The following DCAF1 variants were observed in gnomAD, a reference collection of about 807,000 sequenced individuals.
The protein encoded by DCAF1 is DDB1- and CUL4-associated factor 1.
In DCAF1, 15 loss-of-function variants were observed where a neutral mutation model predicts 128.0. The ratio of observed to expected loss-of-function variants is 0.12; its 90% CI spans 0.08 to 0.18. DCAF1 has a LOEUF of 0.18. Ranked by LOEUF, DCAF1 falls within the 10% of genes least tolerant of loss-of-function variation. The pLI is 1.00. For synonymous variants in DCAF1, 610 were observed against 603.0 expected (o/e 1.01, Z -0.17); for missense variants, 988 against 1,649.5 (o/e 0.60, Z 6.95).
At chr3:51,474,238 G>A (rs568956801) in intron 3 of DCAF1, among the ~76,000 whole-genome samples, 15 of 152,066 alleles carry the variant, frequency 9.9e-5, no homozygotes, top group African/African-American at 3.1e-4. Flanking sequence ...GACCAACATG[G>A]AGAAACCCCG....
At chr3:51,460,550 G>A (rs1301712686) in intron 6 of DCAF1, among the ~76,000 whole-genome samples, 2 of 146,102 alleles carry the variant, frequency 1.4e-5, no homozygotes, top group Non-Finnish European at 3.0e-5. Context: ...CACAGAATTG[G>A]AAAAAACTAC....
Position 51,424,273 on chromosome 3 carries a change from G to A in DCAF1, c.1848-1842C>T, listed in dbSNP as rs984539596. Among the ~76,000 whole-genome samples, 13 of 152,004 alleles carry A rather than the reference G, an allele frequency of 8.6e-5. No homozygotes were observed. In the East Asian group the frequency reaches 9.7e-4, roughly 11 times the overall value. On this transcript the variant is annotated intron_variant, in intron 13 of 24. Transcript: ENST00000684031. The stretch of plus-strand genomic sequence containing the variant: ...AAATTAGCTGGGCATGGTAGTGGGC[G>A]CCTGTAGTCCCAGTTACTCAGGAGG...
intron 18 of DCAF1, among the ~76,000 whole-genome samples, chr3:51,416,062 C>G (rs1403442539): frequency 6.6e-6 from 1 of 152,108 alleles, no homozygotes. Flanking sequence ...ACCCTCTGAC[C>G]TGGAAGGCTG....
At chr3:51,481,115 T>C (rs1164016056) in intron 3 of DCAF1, among the ~76,000 whole-genome samples, 2 of 152,142 alleles carry the variant, frequency 1.3e-5, no homozygotes, top group African/African-American at 2.4e-5. Context: ...GAAAACAACT[T>C]TTTATGCATT....
intron 10 of DCAF1, among the ~76,000 whole-genome samples, chr3:51,430,671 C>A (rs782730468): frequency 1.3e-5 from 2 of 152,122 alleles, no homozygotes; most frequent in Non-Finnish European, 2.9e-5. Flanking sequence ...TGTAAAGCAT[C>A]CCCAGGTTTC....
In DCAF1 at chr3:51,466,930, C is replaced by A. The variant is rs1217312120; in HGVS notation, c.188-54G>T. The A allele has an allele frequency of 2.6e-6, 4 of 1,568,252 alleles. No individual in the cohort carries two copies. The South Asian group carries it at 4.5e-5, about 17-fold the overall frequency. On this transcript the variant is annotated intron_variant, in intron 4 of 24. Coordinates refer to ENST00000684031, the MANE Select transcript of DCAF1 (RefSeq NM_001387579.1). The stretch of plus-strand genomic sequence containing the variant: ...AAAGGAATGAGTAAGTCATCCCAGT[C>A]AAGCAACTTAGACCTCTGGAAAGGC...
intron 10 of DCAF1, among the ~76,000 whole-genome samples, chr3:51,430,434 A>G (rs1326940856): frequency 6.6e-6 from 1 of 152,186 alleles, no homozygotes; most frequent in Admixed American, 6.5e-5. Flanking sequence ...TTTAAATACA[A>G]CCTATACTTA....
chr3:51,437,227 C>T, intron 9 of DCAF1: 1 of 364,368 alleles, frequency 2.7e-6, no homozygotes, highest in East Asian at 7.5e-5. Flanking sequence ...AGCACCACTG[C>T]ACTGCACTCC....
intron 6 of DCAF1, among the ~76,000 whole-genome samples, chr3:51,454,632 G>C (rs550598349): frequency 6.6e-6 from 1 of 152,148 alleles, no homozygotes; most frequent in African/African-American, 2.4e-5. Flanking sequence ...CAAAGTGCTG[G>C]GATTACAGGC....
intron 13 of DCAF1, among the ~76,000 whole-genome samples, chr3:51,424,814 C>A (rs2107459195): frequency 6.6e-6 from 1 of 152,200 alleles, no homozygotes; most frequent in African/African-American, 2.4e-5. Flanking sequence ...TATGAACACA[C>A]AGATATATAT....
chr3:51,429,959 G>C, intron 11 of DCAF1, 74 bp downstream of exon 11: 2 of 735,792 alleles, frequency 2.7e-6, no homozygotes, highest in Non-Finnish European at 5.0e-6. Context: ...TTTCTTCAAG[G>C]GTGTGCCGTT....
intron 6 of DCAF1, among the ~76,000 whole-genome samples, chr3:51,446,367 C>T (rs1193981355): frequency 6.6e-6 from 1 of 152,138 alleles, no homozygotes; most frequent in Non-Finnish European, 1.5e-5. Context: ...AATCCTAATG[C>T]TTTGGGAGAC....
intron 13 of DCAF1, among the ~76,000 whole-genome samples, chr3:51,425,532 C>T (rs1699826197): frequency 6.9e-6 from 1 of 144,866 alleles, no homozygotes; most frequent in Admixed American, 6.9e-5. Context: ...TATTTATACC[C>T]TTTCTAGTTA....
At position 51,427,548 on chromosome 3, in the gene DCAF1, GGA is replaced by G. The variant is rs1700009020; in HGVS notation, c.1678-9_1678-8del. The G allele has an allele frequency of 1.4e-6, 1 of 691,952 alleles. No homozygotes were observed. The highest frequency in any genetic ancestry group is 2.7e-6 in the Non-Finnish European group (1 of 375,760). 42.9% of individuals were successfully genotyped at this position (691,952 alleles called of 1,614,324 possible). ...CATGAGTATATGAGCATGCCTATAA[GGA>G]GAGATATATAGTATTATTATTATAT... On this transcript the variant is annotated splice_polypyrimidine_tract_variant and splice_region_variant and intron_variant, in intron 12 of 24. Transcript: ENST00000684031.
chr3:51,425,655 T>C (rs149414476), intron 13 of DCAF1, among the ~76,000 whole-genome samples: 1 of 142,470 alleles, frequency 7.0e-6, no homozygotes, highest in Admixed American at 7.3e-5. Context: ...CTCTACCTCC[T>C]GGGCTCAAGC....
Position 51,422,319 on chromosome 3 carries a change from C to T in DCAF1, c.1960G>A (p.Val654Ile). 1 of 766,300 alleles carries T rather than the reference C, an allele frequency of 1.3e-6. No individual in the cohort carries two copies. Among genetic ancestry groups the T allele is most frequent in the Non-Finnish European group, 2.4e-6 (1 of 411,182 alleles). 47.5% of individuals were successfully genotyped at this position (766,300 alleles called of 1,614,324 possible). The part of the protein sequence containing the change: ...VDVLDEAGST[V>I]STVGISIILG... ...AAGTACAACCTACCTACAGTAGAGA[C>T]TGTAGATCCAGCCTCATCCAACACG... is the stretch of plus-strand genomic sequence containing the variant. Residue 654 changes from valine (V) to isoleucine (I), a missense_variant, in exon 14 of 25, where the codon GTC becomes ATC. Val to Ile is a conservative substitution (Grantham distance 29, BLOSUM62 3). Around this residue, in one of 11 missense-constraint regions of DCAF1, gnomAD observed 185 missense variants for 248.1 expected, o/e 0.75. Coordinates refer to ENST00000684031, the MANE Select transcript of DCAF1 (RefSeq NM_001387579.1).
rs782655897 is a variant in DCAF1 at position 51,427,377 on chromosome 3, A to G, written c.1842T>C (p.Tyr614=). ...ISIACNWKTY[Y]ARNDTVRFAL... ...AAATCTCTCTCTGGTCCCACCTTGC[A>G]TAATAGGTCTTCCAATTGCAGGCAA... The change falls in exon 13 of 25, where the codon TAT becomes TAC. Residue 614 remains tyrosine, a synonymous_variant. Coordinates refer to ENST00000684031, the MANE Select transcript of DCAF1 (RefSeq NM_001387579.1). 4 of 739,262 alleles carry G rather than the reference A, an allele frequency of 5.4e-6. No individual in the cohort carries two copies. Among genetic ancestry groups the G allele is most frequent in the South Asian group, 4.4e-5 (3 of 67,644 alleles). The allele number at this position is 739,262 out of a possible 1,614,324, so 45.8% of individuals were successfully genotyped here.
At chr3:51,441,292 AATATATCTTTGT>A (rs1701335549) in intron 8 of DCAF1, 81 bp downstream of exon 8, 2 of 1,431,360 alleles carry the variant, frequency 1.4e-6, no homozygotes, top group South Asian at 2.9e-5. Flanking sequence ...GTAGAGTTAG[AATATATCTTTGT>A]ATAAAATACT....
In DCAF1 at chr3:51,413,406, G is replaced by A; in HGVS notation, c.3932-20C>T. On this transcript the variant is annotated intron_variant, in intron 20 of 24. Transcript: ENST00000684031. ...ACATAGCTTGAGGGGGAGTGGGGGA[G>A]GAAACACTATTAGGAATCACAAACA... 6.2e-7 allele frequency: 1 copy of A among 1,604,446 alleles called. No individual in the cohort carries two copies. Among genetic ancestry groups the A allele is most frequent in the Non-Finnish European group, 8.5e-7 (1 of 1,175,004 alleles).
Sources: allele counts gnomAD v4.1 joint callset (sites outside exome capture counted in the v4.1 genomes callset), GRCh38; gene constraint gnomAD v4.1.1; regional missense constraint gnomAD v4.1.1; transcripts MANE v1.5; gene names NCBI Gene and HGNC (gene_info 2026-07-23, HGNC 2026-07-21).